HIVEP2: variants seen among roughly 807,000 people sequenced by gnomAD.
HIVEP2 encodes the protein transcription factor HIVEP2.
Under a neutral mutation model 180.7 loss-of-function variants are expected in HIVEP2, and 14 were observed. That is an observed-to-expected ratio of 0.08 (90% CI 0.05 to 0.12). HIVEP2 has a LOEUF of 0.12. HIVEP2 is among the 10% of genes least tolerant of loss of function. The pLI is 1.00. For synonymous variants in HIVEP2, 1,184 were observed against 1,136.4 expected (o/e 1.04, Z -0.84); for missense variants, 2,579 against 3,008.5 (o/e 0.86, Z 3.34).
chr6:142,799,436 G>A (rs1776355542), intron 2 of HIVEP2, among the ~76,000 whole-genome samples: 1 of 152,100 alleles, frequency 6.6e-6, no homozygotes, highest in Admixed American at 6.6e-5. Flanking sequence ...TTCAGGGACA[G>A]CCATTTCTTG....
At chr6:142,788,118 T>C (rs1239979854) in intron 2 of HIVEP2, 2 of 152,200 alleles carry the variant, frequency 1.3e-5, no homozygotes, top group African/African-American at 2.4e-5. Flanking sequence ...AGCAGATACA[T>C]GTGCATTAGA....
At chr6:142,762,379 A>G (rs1375331953) in intron 7 of HIVEP2, among the ~76,000 whole-genome samples, 1 of 151,736 alleles carries the variant, frequency 6.6e-6, no homozygotes, top group Non-Finnish European at 1.5e-5. Flanking sequence ...AATTTGTATA[A>G]CTGCTTTATG....
chr6:142,892,136 A>C (rs765560126), intron 1 of HIVEP2, among the ~76,000 whole-genome samples: 1 of 152,116 alleles, frequency 6.6e-6, no homozygotes, highest in African/African-American at 2.4e-5. Context: ...ATGGGTTTTG[A>C]TATCTTTTAC....
chr6:142,847,381 G>A (rs1418340980), intron 1 of HIVEP2, among the ~76,000 whole-genome samples: 3 of 151,282 alleles, frequency 2.0e-5, no homozygotes, highest in Non-Finnish European at 4.4e-5. Context: ...AACACTTAAA[G>A]TAATCCCACT....
At chr6:142,843,111 T>C (rs928631815) in intron 1 of HIVEP2, among the ~76,000 whole-genome samples, 5 of 152,182 alleles carry the variant, frequency 3.3e-5, no homozygotes, top group African/African-American at 1.2e-4. Flanking sequence ...TATTTTCACA[T>C]GTAGATGAGT....
At chr6:142,907,111 C>T (rs925880095) in intron 1 of HIVEP2, among the ~76,000 whole-genome samples, 5 of 152,124 alleles carry the variant, frequency 3.3e-5, no homozygotes, top group Non-Finnish European at 5.9e-5. Context: ...GTGAATGGTC[C>T]GTAGCATATT....
chr6:142,787,420 GAGA>G (rs1399185877), intron 2 of HIVEP2, among the ~76,000 whole-genome samples: 1 of 152,058 alleles, frequency 6.6e-6, no homozygotes, highest in African/African-American at 2.4e-5. Flanking sequence ...CACTAGAGAA[GAGA>G]CACTTTACTC....
chr6:142,944,613 G>A (rs1239532323), intron 1 of HIVEP2, among the ~76,000 whole-genome samples: 1 of 152,060 alleles, frequency 6.6e-6, no homozygotes, highest in Admixed American at 6.5e-5. Flanking sequence ...AGAGCCCCTC[G>A]TTAACCCCCT....
rs1774952187 is a variant in HIVEP2, at chr6:142,752,715, T to C, written c.*392A>G. Reference sequence around the variant, plus strand: ...TTTTAGTGCAACCTCACATATATATTGATGCTGTTTTGCTTTACATCATTT... The same window carrying C: ...TTTTAGTGCAACCTCACATATATATCGATGCTGTTTTGCTTTACATCATTT... On this transcript the variant is annotated 3_prime_UTR_variant, in exon 10 of 10. Transcript: ENST00000367603. The C allele has an allele frequency of 5.5e-6, 1 of 182,454 alleles. No individual in the cohort carries two copies. The highest frequency in any genetic ancestry group is 5.4e-5 in the Admixed American group (1 of 18,618). 11.3% of individuals were successfully genotyped at this position (182,454 alleles called of 1,614,324 possible).
rs1019670023 is a variant in HIVEP2 at position 142,916,247 on chromosome 6, T to C, written c.-641+28852A>G. On this transcript the variant is annotated intron_variant, in intron 1 of 9. Coordinates refer to ENST00000367603, the MANE Select transcript of HIVEP2 (RefSeq NM_006734.4). ...TTGCCACCCTCCAATTTGTTCACCATGCAAAGCTCAACTACATAGTCCAAG... is the reference window on the plus strand; with the variant it reads ...TTGCCACCCTCCAATTTGTTCACCACGCAAAGCTCAACTACATAGTCCAAG... 2.6e-5 allele frequency among the ~76,000 whole-genome samples: 4 copies of C among 152,360 alleles called. No homozygotes were observed. In the South Asian group the frequency reaches 6.2e-4, roughly 24 times the overall value.
intron 1 of HIVEP2, among the ~76,000 whole-genome samples, chr6:142,939,064 T>C (rs1374263635): frequency 6.6e-6 from 1 of 152,200 alleles, no homozygotes; most frequent in Non-Finnish European, 1.5e-5. Flanking sequence ...TCACTACTAA[T>C]ATTTATAAAT....
chr6:142,808,742 G>A (rs1392641131), intron 2 of HIVEP2, among the ~76,000 whole-genome samples: 1 of 149,490 alleles, frequency 6.7e-6, no homozygotes, highest in East Asian at 2.0e-4. Context: ...AATGGATGGG[G>A]GATAGAGGCA....
chr6:142,898,919 C>T (rs1007656802), intron 1 of HIVEP2, among the ~76,000 whole-genome samples: 5 of 152,214 alleles, frequency 3.3e-5, no homozygotes, highest in African/African-American at 9.6e-5. Context: ...ATTGTTTTTT[C>T]GCTTGAATAT....
At chr6:142,873,338 A>G (rs1776345373) in intron 1 of HIVEP2, among the ~76,000 whole-genome samples, 1 of 152,220 alleles carries the variant, frequency 6.6e-6, no homozygotes, top group African/African-American at 2.4e-5. Flanking sequence ...TCCCAAAAGA[A>G]GTGGATACCT....
intron 1 of HIVEP2, among the ~76,000 whole-genome samples, chr6:142,894,114 A>G (rs1421764132): frequency 6.6e-6 from 1 of 152,226 alleles, no homozygotes; most frequent in Non-Finnish European, 1.5e-5. Flanking sequence ...TATATAATCA[A>G]TAAATAGTAG....
At chr6:142,839,308 C>A (rs1356890791) in intron 1 of HIVEP2, among the ~76,000 whole-genome samples, 10 of 152,030 alleles carry the variant, frequency 6.6e-5, no homozygotes, top group Admixed American at 6.6e-4. Flanking sequence ...AATTTTATAA[C>A]CTGATGAAAG....
At chr6:142,830,982 G>A (rs1775063965) in intron 2 of HIVEP2, among the ~76,000 whole-genome samples, 1 of 152,066 alleles carries the variant, frequency 6.6e-6, no homozygotes, top group Admixed American at 6.6e-5. Flanking sequence ...TCTCACACCG[G>A]TCTGATCTCC....
intron 2 of HIVEP2, among the ~76,000 whole-genome samples, chr6:142,798,654 A>T (rs1158753058): frequency 6.6e-6 from 1 of 152,162 alleles, no homozygotes; most frequent in Admixed American, 6.6e-5. Context: ...CTAACTGCTT[A>T]GGGACAAGGA....
At chr6:142,824,518 T>C (rs748790521) in intron 2 of HIVEP2, among the ~76,000 whole-genome samples, 14 of 152,174 alleles carry the variant, frequency 9.2e-5, no homozygotes, top group South Asian at 4.1e-4. Flanking sequence ...CCATAAATAC[T>C]GGCAGCAATG....
Sources: gnomAD v4.1 joint callset for allele counts (sites outside exome capture counted in the v4.1 genomes callset) on GRCh38, gnomAD v4.1.1 for gene constraint, MANE v1.5 for transcripts, NCBI Gene and HGNC (gene_info 2026-07-23, HGNC 2026-07-21) for gene names.